The following SNCAIP variants were observed in gnomAD, a reference collection of about 807,000 sequenced individuals.
SNCAIP encodes the protein synuclein alpha interacting protein.
In SNCAIP, 43 loss-of-function variants were observed where a neutral mutation model predicts 86.7. The observed-to-expected ratio is 0.50, with a 90% CI of 0.39 to 0.64. SNCAIP has a LOEUF of 0.64. Ranked by LOEUF, SNCAIP falls within the 30% of genes least tolerant of loss-of-function variation. The pLI, the probability that SNCAIP is intolerant of heterozygous loss-of-function variation, is 0.00. For synonymous variants in SNCAIP, 417 were observed against 427.2 expected (o/e 0.98, Z 0.29); for missense variants, 981 against 1,103.1 (o/e 0.89, Z 1.57).
At chr5:122,315,452 A>G (rs940886181) in intron 1 of SNCAIP, among the ~76,000 whole-genome samples, 1 of 152,240 alleles carries the variant, frequency 6.6e-6, no homozygotes, top group African/African-American at 2.4e-5. Context: ...CCCATTAGCC[A>G]TGTCAAGTCA....
chr5:122,360,816 C>A (rs1374788006), intron 1 of SNCAIP, among the ~76,000 whole-genome samples: 1 of 151,982 alleles, frequency 6.6e-6, no homozygotes, highest in East Asian at 1.9e-4. Context: ...TTTGTAATTT[C>A]TCCATGAAAT....
intron 8 of SNCAIP, chr5:122,444,998 G>C: frequency 2.1e-6 from 1 of 481,220 alleles, no homozygotes; most frequent in Non-Finnish European, 3.8e-6. Flanking sequence ...CAAGGCGAGA[G>C]AGCCTCTCTC....
At chr5:122,400,106 T>C (rs11956258) in intron 2 of SNCAIP, among the ~76,000 whole-genome samples, 5,774 of 151,784 alleles carry the variant, frequency 0.038, 358 homozygotes, top group African/African-American at 0.13. Flanking sequence ...GCATTTCAGG[T>C]AGATGGAGTA....
At chr5:122,332,815 CCA>C (rs1358648900) in intron 1 of SNCAIP, among the ~76,000 whole-genome samples, 1 of 152,036 alleles carries the variant, frequency 6.6e-6, no homozygotes, top group Non-Finnish European at 1.5e-5. Flanking sequence ...GCTGTGAGGC[CCA>C]TTAGAACAAG....
At chr5:122,386,891 A>T (rs1214684281) in intron 1 of SNCAIP, among the ~76,000 whole-genome samples, 1 of 152,142 alleles carries the variant, frequency 6.6e-6, no homozygotes, top group East Asian at 1.9e-4. Context: ...TGCCAATGCC[A>T]GTAAAAAGAA....
chr5:122,448,658 ATAT>A (rs556586647), intron 8 of SNCAIP, among the ~76,000 whole-genome samples: 1 of 126,178 alleles, frequency 7.9e-6, no homozygotes, highest in Non-Finnish European at 1.6e-5. Context: ...ATTTTTATAT[ATAT>A]TATATATATT....
intron 1 of SNCAIP, among the ~76,000 whole-genome samples, chr5:122,335,793 C>A (rs555869243): frequency 3.9e-5 from 6 of 152,294 alleles, no homozygotes; most frequent in African/African-American, 1.4e-4. Context: ...TAACTCCATG[C>A]CATCCAGTTA....
intron 1 of SNCAIP, among the ~76,000 whole-genome samples, chr5:122,366,352 G>A (rs2152779566): frequency 6.6e-6 from 1 of 152,326 alleles, no homozygotes; most frequent in African/African-American, 2.4e-5. Flanking sequence ...GAGTATGTAT[G>A]TGTATGTGAG....
At chr5:122,389,941 A>G (rs901960003) in intron 1 of SNCAIP, 2 of 152,176 alleles carry the variant, frequency 1.3e-5, no homozygotes, top group Admixed American at 6.5e-5. Flanking sequence ...AAAAGAAAGA[A>G]TGGCTCAACA....
intron 5 of SNCAIP, among the ~76,000 whole-genome samples, chr5:122,427,727 G>A (rs1777639611): frequency 6.6e-6 from 1 of 152,184 alleles, no homozygotes; most frequent in Middle Eastern, 3.4e-3. Context: ...CAGTTTTGAG[G>A]GCCCTGCTGT....
intron 1 of SNCAIP, among the ~76,000 whole-genome samples, chr5:122,381,465 A>G (rs1195853725): frequency 6.7e-6 from 1 of 148,540 alleles, no homozygotes; most frequent in Non-Finnish European, 1.5e-5. Context: ...TCCTGAATAC[A>G]ACACACTGAT....
At chr5:122,398,389 T>G (rs1462953228) in intron 2 of SNCAIP, among the ~76,000 whole-genome samples, 2 of 152,110 alleles carry the variant, frequency 1.3e-5, no homozygotes, top group African/African-American at 4.8e-5. Context: ...GAACACAGTT[T>G]ATAATGGAGG....
intron 10 of SNCAIP, among the ~76,000 whole-genome samples, chr5:122,457,971 G>C (rs907584502): frequency 6.6e-5 from 10 of 152,202 alleles, no homozygotes; most frequent in African/African-American, 2.4e-4. Context: ...GCACAATTTA[G>C]CAAAGTCTTT....
chr5:122,387,310 C>G lies in SNCAIP; in HGVS notation c.-46-3779C>G, dbSNP rs1247419845. Among the ~76,000 whole-genome samples the G allele has an allele frequency of 2.6e-5, 4 of 152,042 alleles. No individual in the cohort carries two copies. The East Asian group carries it at 5.8e-4, about 22-fold the overall frequency. ...AATAGCTGGGACTACAGGCGCCCAC[C>G]ACCACGCCCGGCTAATGTTTTGCAT... On this transcript the variant is annotated intron_variant, in intron 1 of 10. Transcript: ENST00000261368.
chr5:122,376,347 C>CA (rs140604344), intron 1 of SNCAIP, among the ~76,000 whole-genome samples: 19,240 of 152,018 alleles, frequency 0.13, 1,303 homozygotes, highest in South Asian at 0.24. Context: ...TTTGCAAAAT[C>CA]AAAATAAAGC....
intron 1 of SNCAIP, among the ~76,000 whole-genome samples, chr5:122,363,084 C>T (rs1762502320): frequency 6.6e-6 from 1 of 151,004 alleles, no homozygotes; most frequent in Non-Finnish European, 1.5e-5. Flanking sequence ...GCAACTTCCA[C>T]CTCCCAGGAT....
chr5:122,325,557 T>C (rs1753841133), intron 1 of SNCAIP, among the ~76,000 whole-genome samples: 1 of 152,192 alleles, frequency 6.6e-6, no homozygotes, highest in Non-Finnish European at 1.5e-5. Context: ...GCTTTGCAAA[T>C]GCCCTTTTTA....
chr5:122,403,671 T>C (rs1772327393), intron 2 of SNCAIP, 122 bp from the exon 3 acceptor site: 2 of 841,786 alleles, frequency 2.4e-6, no homozygotes, highest in African/African-American at 1.7e-5. Context: ...ATGAGATAAA[T>C]TTTCTGAATA....
rs137996479 is a variant in SNCAIP, at chr5:122,354,623, T to C, written c.-46-36466T>C. On this transcript the variant is annotated intron_variant, in intron 1 of 10. Coordinates refer to ENST00000261368, the MANE Select transcript of SNCAIP (RefSeq NM_005460.4). ...ACTGAAATGATTGTCTTGGAGCAGA[T>C]ATATAGTGAAGTAATCATGTTAATA... 2.0e-3 allele frequency among the ~76,000 whole-genome samples: 310 copies of C among 152,318 alleles called. 5 individuals are homozygous for C. Among genetic ancestry groups the C allele is most frequent in the Admixed American group, 0.016 (247 of 15,292 alleles).
Sources: gnomAD v4.1 joint callset for allele counts (sites outside exome capture counted in the v4.1 genomes callset) on GRCh38, gnomAD v4.1.1 for gene constraint, MANE v1.5 for transcripts, NCBI Gene and HGNC (gene_info 2026-07-23, HGNC 2026-07-21) for gene names.